The following CEMIP2 variants were observed in gnomAD, a reference collection of about 807,000 sequenced individuals.
CEMIP2 encodes the protein cell surface hyaluronidase CEMIP2.
CEMIP2 carries 79 observed loss-of-function variants against 146.9 expected under a neutral mutation model. That is an observed-to-expected ratio of 0.54 (90% confidence interval 0.45 to 0.65). The LOEUF (loss-of-function observed/expected upper bound fraction) is 0.65, where lower values mean the gene tolerates loss of function less well. CEMIP2 is among the 30% of genes least tolerant of loss of function. The pLI is 0.00. For missense variants in CEMIP2, 1,596 were observed against 1,696.2 expected (o/e 0.94, Z 1.04); for synonymous variants, 601 against 606.3 (o/e 0.99, Z 0.13).
chr9:71,715,169 G>C, intron 14 of CEMIP2, 80 bp from the exon 15 acceptor site: 8 of 1,400,414 alleles, frequency 5.7e-6, no homozygotes, highest in Non-Finnish European at 7.6e-6. Flanking sequence ...TGCTATAACT[G>C]AAAAGCTAAA....
At chr9:71,699,813 C>G (rs976749961) in intron 19 of CEMIP2, among the ~76,000 whole-genome samples, 22 of 152,252 alleles carry the variant, frequency 1.4e-4, no homozygotes, top group African/African-American at 5.1e-4. Context: ...CCAGGATCAC[C>G]CTCTCAGGAT....
At chr9:71,700,976 C>A in intron 18 of CEMIP2, 152 bp from the exon 19 acceptor site, 1 of 666,928 alleles carries the variant, frequency 1.5e-6, no homozygotes, top group Non-Finnish European at 2.3e-6. Flanking sequence ...TGTGTTGGGC[C>A]ACTGACAGTG....
intron 22 of CEMIP2, 35 bp downstream of exon 22, chr9:71,690,057 T>C: frequency 6.2e-7 from 1 of 1,606,472 alleles, no homozygotes; most frequent in Non-Finnish European, 8.5e-7. Flanking sequence ...ATCTTTAAGG[T>C]GGCTTTTCCC....
At chr9:71,727,099 GAA>G (rs1455630197) in intron 10 of CEMIP2, among the ~76,000 whole-genome samples, 1 of 152,190 alleles carries the variant, frequency 6.6e-6, no homozygotes, top group Non-Finnish European at 1.5e-5. Flanking sequence ...TTTCTAGAGA[GAA>G]AATAAACAGC....
intron 1 of CEMIP2, among the ~76,000 whole-genome samples, chr9:71,760,331 G>A (rs1431291748): frequency 6.6e-6 from 1 of 152,146 alleles, no homozygotes; most frequent in Non-Finnish European, 1.5e-5. Context: ...GGACTCTCCT[G>A]TTAAAATATG....
In CEMIP2 at chr9:71,732,531, T is replaced by G; in HGVS notation, c.1394-11A>C. On this transcript the variant is annotated splice_polypyrimidine_tract_variant and intron_variant, in intron 6 of 23. Transcript: ENST00000377044. ...GGAACTGAGGGGTTTCTGGTTGATA[T>G]GAGCAAGGAAAAAAAAGAATATTAG... is the stretch of plus-strand genomic sequence containing the variant. The G allele has an allele frequency of 6.4e-7, 1 of 1,572,394 alleles. No homozygotes were observed. The highest frequency in any genetic ancestry group is 2.1e-5 in the Admixed American group (1 of 47,276).
At chr9:71,769,452 C>A (rs191549343), upstream of CEMIP2, among the ~76,000 whole-genome samples, 1 of 152,256 alleles carries the variant, frequency 6.6e-6, no homozygotes, top group South Asian at 2.1e-4. Context: ...TCTTCTGGTC[C>A]CTTGGAGCAA....
intron 4 of CEMIP2, among the ~76,000 whole-genome samples, chr9:71,744,729 T>C (rs1324981401): frequency 6.6e-6 from 1 of 152,178 alleles, no homozygotes; most frequent in African/African-American, 2.4e-5. Context: ...AGGCAAATTG[T>C]CCTTAAACTG....
chr9:71,692,307 T>A (rs1407002939), intron 21 of CEMIP2, among the ~76,000 whole-genome samples: 27 of 146,752 alleles, frequency 1.8e-4, no homozygotes, highest in Admixed American at 1.8e-3. Context: ...ATTTTTTTTT[T>A]TTTTTTTTTT....
chr9:71,769,208 C>T (rs1824898447), upstream of CEMIP2, among the ~76,000 whole-genome samples: 1 of 152,190 alleles, frequency 6.6e-6, no homozygotes, highest in African/African-American at 2.4e-5. Flanking sequence ...TGGTACTGCG[C>T]CTGTCACTCC....
Position 71,728,321 on chromosome 9 carries a change from A to G in CEMIP2, c.2049+1524T>C, listed in dbSNP as rs201265843. The stretch of plus-strand genomic sequence containing the variant: ...TATATACATATATATATATATACGT[A>G]TATATATATATCTCAGCAGGTATGA... On this transcript the variant is annotated intron_variant, in intron 10 of 23. Transcript: ENST00000377044. Among the ~76,000 whole-genome samples, 32 of 103,302 alleles carry G rather than the reference A, an allele frequency of 3.1e-4. 3 individuals are homozygous for G. Among genetic ancestry groups the G allele is most frequent in the South Asian group, 2.2e-3 (6 of 2,722 alleles). The allele number at this position is 103,302 out of a possible 152,430, so 67.8% of individuals were successfully genotyped here.
chr9:71,756,810 AAAT>A lies in CEMIP2; in HGVS notation c.-12-6428_-12-6426del, dbSNP rs1824474648. Among the ~76,000 whole-genome samples the A allele has an allele frequency of 3.9e-5, 6 of 152,340 alleles. No individual in the cohort carries two copies. In the South Asian group the frequency reaches 1.2e-3, roughly 32 times the overall value. ...ATAAAGAGCAGCAAACTACCTAGAT[AAAT>A]TCAACCTTTCACAATATTTTGTAAT... On this transcript the variant is annotated intron_variant, in intron 1 of 23. Transcript: ENST00000377044.
At chr9:71,723,334 A>G (rs1281405154) in intron 11 of CEMIP2, among the ~76,000 whole-genome samples, 1 of 143,528 alleles carries the variant, frequency 7.0e-6, no homozygotes, top group Non-Finnish European at 1.6e-5. Context: ...TATAAAATGG[A>G]TAATGGATTG....
intron 11 of CEMIP2, 107 bp from the exon 12 acceptor site, chr9:71,722,622 A>G: frequency 1.2e-6 from 1 of 850,346 alleles, no homozygotes; most frequent in South Asian, 1.9e-5. Flanking sequence ...TACCAAAAAA[A>G]GTGGGGCAGG....
intron 10 of CEMIP2, among the ~76,000 whole-genome samples, chr9:71,728,287 A>ATATG (rs1823492810): frequency 4.6e-4 from 10 of 21,672 alleles, no homozygotes; most frequent in African/African-American, 1.4e-3. Context: ...ATATGTATAT[A>ATATG]TATATATATA....
intron 5 of CEMIP2, among the ~76,000 whole-genome samples, chr9:71,735,338 AC>A (rs1303277740): frequency 2.0e-5 from 3 of 151,940 alleles, no homozygotes; most frequent in Admixed American, 1.3e-4. Flanking sequence ...TGTTATACTG[AC>A]CCCAAACCAT....
chr9:71,718,481 G>A (rs1823135416), intron 12 of CEMIP2, among the ~76,000 whole-genome samples: 1 of 152,124 alleles, frequency 6.6e-6, no homozygotes, highest in African/African-American at 2.4e-5. Flanking sequence ...GTGAACTAGA[G>A]TATAATTTGA....
At chr9:71,768,634 C>T (rs1432052950), upstream of CEMIP2, 1 of 152,272 alleles carries the variant, frequency 6.6e-6, no homozygotes, top group African/African-American at 2.4e-5. Context: ...GGGCAGGGGC[C>T]TCGGCTCGCT....
intron 21 of CEMIP2, among the ~76,000 whole-genome samples, chr9:71,692,110 AAAAAAAAAAG>A: frequency 6.7e-6 from 1 of 148,944 alleles, no homozygotes; most frequent in East Asian, 2.0e-4. Context: ...CTCTATCTTA[AAAAAAAAAAG>A]AAAAAAAAAA....
Sources: allele counts gnomAD v4.1 joint callset (sites outside exome capture counted in the v4.1 genomes callset), GRCh38; gene constraint gnomAD v4.1.1; transcripts MANE v1.5; gene names NCBI Gene and HGNC (gene_info 2026-07-23, HGNC 2026-07-21).